NECTIN1: variants seen among roughly 807,000 people sequenced by gnomAD.
NECTIN1 encodes the protein nectin-1.
In NECTIN1, 23 loss-of-function variants were observed where a neutral mutation model predicts 48.0. The observed-to-expected ratio is 0.48, with a 90% CI of 0.34 to 0.68. NECTIN1 has a LOEUF of 0.68. Ranked by LOEUF, NECTIN1 falls within the 30% of genes least tolerant of loss-of-function variation. The pLI, the probability that NECTIN1 is intolerant of heterozygous loss-of-function variation, is 0.01. For synonymous variants in NECTIN1, 270 were observed against 288.9 expected (o/e 0.93, Z 0.66); for missense variants, 591 against 709.9 (o/e 0.83, Z 1.90).
In NECTIN1 at chr11:119,727,769, C is replaced by T. The variant is rs982219774; in HGVS notation, c.79+706G>A. ...CTCGGGAAAGTGGGTCATGCAGCTA[C>T]TTGGATGGCAGGAAGCCCGCGGTGT... is the stretch of plus-strand genomic sequence containing the variant. On this transcript the variant is annotated intron_variant, in intron 1 of 5. Coordinates refer to ENST00000264025, the MANE Select transcript of NECTIN1 (RefSeq NM_002855.5). This position sits in a 1 kb window ranked among gnomAD's most constrained non-coding sequence, Gnocchi z 4.1. Among the ~76,000 whole-genome samples, 1 of 152,200 alleles carries T rather than the reference C, an allele frequency of 6.6e-6. No individual in the cohort carries two copies. Among genetic ancestry groups the T allele is most frequent in the Non-Finnish European group, 1.5e-5 (1 of 68,044 alleles).
downstream of NECTIN1, among the ~76,000 whole-genome samples, chr11:119,660,563 C>T (rs1864644185): frequency 6.6e-6 from 1 of 152,144 alleles, no homozygotes; most frequent in African/African-American, 2.4e-5. Flanking sequence ...TCCAAACAGC[C>T]ACAGGAGGGG....
rs1864712642 is a variant in NECTIN1 at position 119,663,885 on chromosome 11, C to T, written c.*862G>A. On this transcript the variant is annotated 3_prime_UTR_variant, in exon 6 of 6. Coordinates refer to ENST00000264025, the MANE Select transcript of NECTIN1 (RefSeq NM_002855.5). ...TGGAAATAGACGGGTGGGCCTTGGGCAGTGTCTGGATGGGGCAGGGCATGG... is the reference window on the plus strand; with the variant it reads ...TGGAAATAGACGGGTGGGCCTTGGGTAGTGTCTGGATGGGGCAGGGCATGG... 4.1e-6 allele frequency: 4 copies of T among 986,176 alleles called. No individual in the cohort carries two copies. Among genetic ancestry groups the T allele is most frequent in the Non-Finnish European group, 4.8e-6 (4 of 830,544 alleles). 61.1% of individuals were successfully genotyped at this position (986,176 alleles called of 1,614,324 possible).
intron 1 of NECTIN1, among the ~76,000 whole-genome samples, chr11:119,693,696 G>A (rs1001038700): frequency 7.9e-5 from 12 of 152,140 alleles, no homozygotes; most frequent in African/African-American, 2.9e-4. Context: ...TCCAAAACAC[G>A]CAGGGGGCTC....
At chr11:119,686,942 G>A (rs965811867) in intron 1 of NECTIN1, among the ~76,000 whole-genome samples, 39 of 152,316 alleles carry the variant, frequency 2.6e-4, no homozygotes, top group Middle Eastern at 6.8e-3. Context: ...CAAGTGGCAG[G>A]TGGAAAAGGC....
At chr11:119,695,880 G>A in intron 1 of NECTIN1, among the ~76,000 whole-genome samples, 1 of 152,174 alleles carries the variant, frequency 6.6e-6, no homozygotes, top group Non-Finnish European at 1.5e-5. Context: ...CTGGATCCTG[G>A]AATAATCAAG....
intron 5 of NECTIN1, chr11:119,641,846 C>G (rs1864330671): frequency 6.6e-6 from 1 of 152,042 alleles, no homozygotes; most frequent in Non-Finnish European, 1.5e-5. Context: ...CCTCAGCCTC[C>G]CGAGTAGCTG....
At chr11:119,726,228 G>A (rs542151822) in intron 1 of NECTIN1, among the ~76,000 whole-genome samples, 10 of 152,282 alleles carry the variant, frequency 6.6e-5, no homozygotes, top group East Asian at 3.9e-4. Flanking sequence ...ACGCTATAGC[G>A]GGCAATGGGG....
intron 1 of NECTIN1, among the ~76,000 whole-genome samples, chr11:119,688,172 G>A (rs1423652055): frequency 6.6e-6 from 1 of 152,130 alleles, no homozygotes; most frequent in Non-Finnish European, 1.5e-5. Context: ...TATAAAATGG[G>A]GCCAGTAATA....
At position 119,728,465 on chromosome 11, in the gene NECTIN1, G is replaced by A. The variant is rs756722280; in HGVS notation, c.79+10C>T. ...ATGGGGGTGGGGACAGCAGAGGTGA[G>A]CGCTCTTACCTGGGAGGAAGAATGC... is the stretch of plus-strand genomic sequence containing the variant. On this transcript the variant is annotated intron_variant, in intron 1 of 5. Transcript: ENST00000264025. 1.3e-6 allele frequency: 2 copies of A among 1,597,722 alleles called. No homozygotes were observed. The highest frequency in any genetic ancestry group is 4.6e-5 in the East Asian group (2 of 43,706).
chr11:119,682,742 A>C (rs544098322), intron 1 of NECTIN1, among the ~76,000 whole-genome samples: 2 of 152,312 alleles, frequency 1.3e-5, no homozygotes, highest in Admixed American at 1.3e-4. Flanking sequence ...ATTAGATGCT[A>C]GCTTCCATCA....
Position 119,638,328 on chromosome 11 carries a change from T to G in NECTIN1, c.1228-81A>C, listed in dbSNP as rs542278514. 7 of 1,552,614 alleles carry G rather than the reference T, an allele frequency of 4.5e-6. No homozygotes were observed. In the South Asian group the frequency reaches 7.9e-5, roughly 18 times the overall value. On this transcript the variant is annotated intron_variant, in intron 7 of 7. Transcript: ENST00000341398. ...GGCCCTCATGGACTCCCAGTTGGAT[T>G]GGGACTCCTCAGTTCCCATGCACCC...
chr11:119,638,590 G>A lies in NECTIN1; in HGVS notation c.1227+141C>T, dbSNP rs375170557. ...AGGGTGAGGCAGATGGATCCCTCTAGCATGGACCTGGCCTTGTGGGAACTG... is the reference window on the plus strand; with the variant it reads ...AGGGTGAGGCAGATGGATCCCTCTAACATGGACCTGGCCTTGTGGGAACTG... On this transcript the variant is annotated intron_variant, in intron 7 of 7. Coordinates refer to the NECTIN1 transcript ENST00000341398. 1.8e-5 allele frequency: 15 copies of A among 830,914 alleles called. No individual in the cohort carries two copies. In the African/African-American group the frequency reaches 2.2e-4, roughly 12 times the overall value. The allele number at this position is 830,914 out of a possible 1,614,324, so 51.5% of individuals were successfully genotyped here. A position where few individuals can be genotyped will look rare whatever the true frequency, so the allele number is the denominator to read the frequency against.
At chr11:119,647,162 T>C (rs529195720) in intron 5 of NECTIN1, among the ~76,000 whole-genome samples, 110 of 8,812 alleles carry the variant, frequency 0.012, 3 homozygotes, top group African/African-American at 0.043. Flanking sequence ...TTGCGGCGCA[T>C]GTGTGTGTGT....
At chr11:119,674,474 C>T in intron 5 of NECTIN1, 1 of 1,606,808 alleles carries the variant, frequency 6.2e-7, no homozygotes, top group East Asian at 2.2e-5. Context: ...CTGACAACAG[C>T]CCTTCAAGGT....
intron 6 of NECTIN1, chr11:119,639,722 GGTTA>G: frequency 9.2e-7 from 1 of 1,082,700 alleles, no homozygotes; most frequent in Non-Finnish European, 1.4e-6. Flanking sequence ...CCTGCCAAAG[GGTTA>G]GTTCCTGGTC....
At chr11:119,708,206 T>TAGAGAC (rs1022446781) in intron 1 of NECTIN1, among the ~76,000 whole-genome samples, 6 of 151,490 alleles carry the variant, frequency 4.0e-5, no homozygotes, top group African/African-American at 9.7e-5. Context: ...CAGACAGAGA[T>TAGAGAC]AGAGACAGAG....
intron 1 of NECTIN1, among the ~76,000 whole-genome samples, chr11:119,687,874 C>T (rs1865185662): frequency 1.3e-5 from 2 of 152,186 alleles, no homozygotes; most frequent in Admixed American, 1.3e-4. Flanking sequence ...TGGGCAGCTG[C>T]CTGCTCGGAT....
downstream of NECTIN1, among the ~76,000 whole-genome samples, chr11:119,660,032 CCTT>C (rs1267292748): frequency 1.3e-5 from 2 of 152,204 alleles, no homozygotes; most frequent in Admixed American, 6.5e-5. Flanking sequence ...GCTGGCTTCT[CCTT>C]CTGCACGCCT....
At chr11:119,650,827 T>A (rs1864480011) in intron 5 of NECTIN1, among the ~76,000 whole-genome samples, 2 of 152,164 alleles carry the variant, frequency 1.3e-5, no homozygotes, top group African/African-American at 2.4e-5. Flanking sequence ...TGTTATAAAG[T>A]ATGTTGAACA....
Sources: allele counts gnomAD v4.1 joint callset (sites outside exome capture counted in the v4.1 genomes callset), GRCh38; gene constraint gnomAD v4.1.1; non-coding constraint Gnocchi (gnomAD v3.1); transcripts MANE v1.5; gene names NCBI Gene and HGNC (gene_info 2026-07-23, HGNC 2026-07-21).